FAM83D: variants seen among roughly 807,000 people sequenced by gnomAD.
FAM83D encodes the protein scaffolding CK1 anchoring protein D.
Under a neutral mutation model 25.4 loss-of-function variants are expected in FAM83D, and 26 were observed. The observed-to-expected ratio is 1.02, with a 90% confidence interval of 0.75 to 1.42. FAM83D has a LOEUF of 1.42. Ranked by LOEUF, FAM83D falls within the 40% of genes most tolerant of loss-of-function variation. The probability of loss-of-function intolerance (pLI) is 0.00; values close to 1 mark genes in which losing one functional copy is unlikely to be tolerated. For synonymous variants in FAM83D, 310 were observed against 318.5 expected (o/e 0.97, Z 0.28); for missense variants, 740 against 758.1 (o/e 0.98, Z 0.28).
intron 1 of FAM83D, among the ~76,000 whole-genome samples, chr20:38,930,252 G>A (rs1229602818): frequency 1.3e-5 from 2 of 152,198 alleles, no homozygotes; most frequent in Non-Finnish European, 2.9e-5. Flanking sequence ...GTACCTAATG[G>A]TGATATGATT....
chr20:38,937,241 G>T (rs539535752), intron 1 of FAM83D, among the ~76,000 whole-genome samples: 6 of 152,338 alleles, frequency 3.9e-5, no homozygotes, highest in African/African-American at 7.2e-5. Context: ...AGTCCTTAGA[G>T]AGTGGGTGGG....
At position 38,926,755 on chromosome 20, in the gene FAM83D, CA is replaced by C; in HGVS notation, c.314del (p.Gln105ArgfsTer58). On this transcript the variant is annotated frameshift_variant, in exon 1 of 4. Coordinates refer to ENST00000619850, the MANE Select transcript of FAM83D (RefSeq NM_030919.3). LOFTEE classifies it high-confidence loss of function. ...DCSSGTYFPE[Q>X]SDLEPPLLEL... is the part of the protein sequence containing the mutation. ...CTCTTCGGGCACCTACTTCCCCGAG[CA>C]GTCGGACCTGGAGCCACCGCTGTTG... 6.5e-7 allele frequency: 1 copy of C among 1,540,044 alleles called. No individual in the cohort carries two copies.
chr20:38,942,787 A>G (rs181496280), intron 2 of FAM83D, among the ~76,000 whole-genome samples: 143 of 152,328 alleles, frequency 9.4e-4, no homozygotes, highest in Middle Eastern at 3.4e-3. Context: ...TGTTAATTGT[A>G]TGATCTGTGA....
chr20:38,926,881 G>C lies in FAM83D; in HGVS notation c.439G>C (p.Gly147Arg). The stretch of plus-strand genomic sequence containing the variant: ...CGGCGCTGGCGAAGGTGGCCCCTAC[G>C]GCTGCAAGGACGCTCTGCGCCAGCA... ...PRGAGEGGPY[G>R]CKDALRQQLR... The change falls in exon 1 of 4, where the codon GGC becomes CGC. Residue 147 changes from glycine to arginine, a missense_variant. This residue lies in a region of FAM83D where 333 missense variants were observed against 298.6 expected (regional missense o/e 1.12). Transcript: ENST00000619850. 6.7e-7 allele frequency: 1 copy of C among 1,501,076 alleles called. No homozygotes were observed. The highest frequency in any genetic ancestry group is 1.3e-5 in the South Asian group (1 of 78,984). The allele number at this position is 1,501,076 out of a possible 1,614,324, so 93.0% of individuals were successfully genotyped here. A position where few individuals can be genotyped will look rare whatever the true frequency, so the allele number is the denominator to read the frequency against.
intron 2 of FAM83D, 108 bp from the exon 3 acceptor site, chr20:38,947,768 T>A: frequency 7.3e-7 from 1 of 1,363,552 alleles, no homozygotes; most frequent in South Asian, 1.3e-5. Context: ...CATATGCCAA[T>A]AATTATATCT....
chr20:38,932,321 G>A (rs1007022508), intron 1 of FAM83D, among the ~76,000 whole-genome samples: 12 of 152,366 alleles, frequency 7.9e-5, no homozygotes, highest in African/African-American at 2.9e-4. Context: ...AGGAGTTGGA[G>A]GCTGTAGTAA....
At chr20:38,950,759 CCTTTAAAA>C (rs577485090) in intron 3 of FAM83D, among the ~76,000 whole-genome samples, 183 of 152,210 alleles carry the variant, frequency 1.2e-3, no homozygotes, top group Non-Finnish European at 2.1e-3. Context: ...AGTTTTCTTA[CCTTTAAAA>C]TGGGGATGCT....
chr20:38,941,840 A>ACTCCAACT, intron 1 of FAM83D, 119 bp from the exon 2 acceptor site: 1 of 963,246 alleles, frequency 1.0e-6, no homozygotes, highest in East Asian at 2.4e-5. Flanking sequence ...GGGGGAGGGA[A>ACTCCAACT]GGATAACTGT....
In FAM83D at chr20:38,952,236, G is replaced by T. The variant is rs1334017436; in HGVS notation, c.1474G>T (p.Gly492Cys). The T allele has an allele frequency of 1.2e-6, 2 of 1,614,144 alleles. No individual in the cohort carries two copies. Among genetic ancestry groups the T allele is most frequent in the African/African-American group, 2.7e-5 (2 of 75,062 alleles). The change falls in exon 4 of 4, where the codon GGT becomes TGT. Residue 492 changes from glycine to cysteine, a missense_variant. By Grantham distance (159) the Gly-to-Cys change is radical (BLOSUM62 -3). Transcript: ENST00000619850. ...SSQGSVASSTGSPASIRTTDF... is the reference protein window; with the variant it reads ...SSQGSVASSTCSPASIRTTDF... The stretch of plus-strand genomic sequence containing the variant: ...CCAAGGCTCTGTGGCAAGCTCCACT[G>T]GTTCTCCCGCTTCCATCAGAACCAC...
At chr20:38,937,906 C>T (rs953106314) in intron 1 of FAM83D, among the ~76,000 whole-genome samples, 3 of 151,640 alleles carry the variant, frequency 2.0e-5, no homozygotes, top group African/African-American at 4.9e-5. Flanking sequence ...TGCAGTGAGC[C>T]GAGATCACAC....
chr20:38,952,501 T>C lies in FAM83D; in HGVS notation c.1739T>C (p.Leu580Pro), dbSNP rs1351682295. 6.2e-7 allele frequency: 1 copy of C among 1,613,204 alleles called. No homozygotes were observed. The highest frequency in any genetic ancestry group is 1.7e-5 in the Admixed American group (1 of 60,010). Residue 580 changes from leucine to proline, a missense_variant, in exon 4 of 4, where the codon CTT (leucine) becomes CCT (proline). Around this residue, in one of 3 missense-constraint regions of FAM83D, gnomAD observed 375 missense variants for 403.2 expected, o/e 0.93. Coordinates refer to ENST00000619850, the MANE Select transcript of FAM83D (RefSeq NM_030919.3). Reference protein sequence around the residue: ...VNLLAVRDVALYPSYQ With the variant: ...VNLLAVRDVAPYPSYQ ...TTGCTTGCTGTTAGAGATGTAGCAC[T>C]TTATCCTTCCTATCAGTAACTGCTC...
intron 1 of FAM83D, 144 bp downstream of exon 1, chr20:38,927,069 T>A: frequency 7.5e-7 from 1 of 1,341,244 alleles, no homozygotes. Flanking sequence ...TCCCAGGGTC[T>A]CCGACTCACA....
intron 1 of FAM83D, among the ~76,000 whole-genome samples, chr20:38,933,978 C>G (rs2085668283): frequency 6.6e-6 from 1 of 152,038 alleles, no homozygotes; most frequent in Non-Finnish European, 1.5e-5. Flanking sequence ...CCTCAGCCTC[C>G]CAAGTAGCTG....
At chr20:38,930,885 C>T (rs1000778200) in intron 1 of FAM83D, among the ~76,000 whole-genome samples, 1 of 152,222 alleles carries the variant, frequency 6.6e-6, no homozygotes, top group Non-Finnish European at 1.5e-5. Context: ...ATCTGCCTGC[C>T]TCAGCCTCCC....
chr20:38,945,761 C>T (rs1471013281), intron 2 of FAM83D, among the ~76,000 whole-genome samples: 16 of 138,200 alleles, frequency 1.2e-4, no homozygotes, highest in African/African-American at 4.0e-4. Context: ...CCCCACCCCC[C>T]GTTTTTTTTT....
At chr20:38,940,465 C>T (rs2145804293) in intron 1 of FAM83D, among the ~76,000 whole-genome samples, 1 of 152,276 alleles carries the variant, frequency 6.6e-6, no homozygotes, top group East Asian at 1.9e-4. Context: ...TGACTCAATC[C>T]CATTCAAGAG....
At position 38,927,709 on chromosome 20, in the gene FAM83D, A is replaced by G. The variant is rs1024249151; in HGVS notation, c.483+784A>G. Among the ~76,000 whole-genome samples the G allele has an allele frequency of 3.3e-5, 5 of 151,546 alleles. No homozygotes were observed. In the East Asian group the frequency reaches 7.8e-4, roughly 24 times the overall value. On this transcript the variant is annotated intron_variant, in intron 1 of 3. Transcript: ENST00000619850. ...AGACGGGGTTTCTCCATGTTGGCCA[A>G]GCTGGTCTCGAACTCCTGACCTCAG...
intron 1 of FAM83D, among the ~76,000 whole-genome samples, chr20:38,927,782 A>T (rs916851973): frequency 6.6e-6 from 1 of 151,638 alleles, no homozygotes; most frequent in Non-Finnish European, 1.5e-5. Context: ...TACAGGCGTG[A>T]GCCACCGCAC....
chr20:38,948,938 G>C (rs1387497120), intron 3 of FAM83D, among the ~76,000 whole-genome samples: 1 of 152,086 alleles, frequency 6.6e-6, no homozygotes, highest in Non-Finnish European at 1.5e-5. Flanking sequence ...CTTTTTCTTG[G>C]AATTTCCTTT....
Sources: allele counts gnomAD v4.1 joint callset (sites outside exome capture counted in the v4.1 genomes callset), GRCh38; gene constraint gnomAD v4.1.1; regional missense constraint gnomAD v4.1.1; transcripts MANE v1.5; gene names NCBI Gene and HGNC (gene_info 2026-07-23, HGNC 2026-07-21).